The following DUS2 variants were observed in gnomAD, a reference collection of about 807,000 sequenced individuals.
The protein encoded by DUS2 is dihydrouridine synthase 2, also known as tRNA-dihydrouridine(20) synthase [NAD(P)+]-like.
In DUS2, 52 loss-of-function variants were observed where a neutral mutation model predicts 71.3. The ratio of observed to expected loss-of-function variants is 0.73; its 90% CI spans 0.58 to 0.92. The LOEUF (loss-of-function observed/expected upper bound fraction) is 0.92, where lower values mean the gene tolerates loss of function less well. DUS2 is among the 40% of genes least tolerant of loss of function. The pLI is 0.00. For missense variants in DUS2, 558 were observed against 622.6 expected (o/e 0.90, Z 1.10); for synonymous variants, 204 against 227.8 (o/e 0.90, Z 0.94).
chr16:68,068,946 G>T (rs1043699827), intron 10 of DUS2, among the ~76,000 whole-genome samples: 1 of 151,990 alleles, frequency 6.6e-6, no homozygotes, highest in Non-Finnish European at 1.5e-5. Flanking sequence ...CCGTAGTTGG[G>T]AACACTCGGA....
intron 3 of DUS2, among the ~76,000 whole-genome samples, chr16:68,044,555 A>G (rs773317425): frequency 1.3e-5 from 2 of 150,720 alleles, no homozygotes; most frequent in Admixed American, 6.6e-5. Flanking sequence ...TCCACCCCAC[A>G]TGGCTAATTT....
At position 68,070,138 on chromosome 16, in the gene DUS2, C is replaced by G. The variant is rs372818688; in HGVS notation, c.559C>G (p.Arg187Gly). 5 of 1,613,792 alleles carry G rather than the reference C, an allele frequency of 3.1e-6. No individual in the cohort carries two copies. The highest frequency in any genetic ancestry group is 4.2e-6 in the Non-Finnish European group (5 of 1,179,870). Reference protein sequence around the residue: ...IAAIAVHGRKREERPQHPVSC... With the variant: ...IAAIAVHGRKGEERPQHPVSC... ...CCCCATCTTTCTATCTCCAAGGAAG[C>G]GGGAGGAGCGACCTCAGCATCCTGT... The change falls in exon 11 of 17, where the codon CGG becomes GGG. Residue 187 changes from arginine (R) to glycine (G), a missense_variant. Coordinates refer to ENST00000565263, the MANE Select transcript of DUS2 (RefSeq NM_017803.5).
chr16:68,073,762 T>C (rs1318850722), intron 12 of DUS2, among the ~76,000 whole-genome samples: 1 of 152,044 alleles, frequency 6.6e-6, no homozygotes, highest in East Asian at 1.9e-4. Flanking sequence ...AATTTTCTTT[T>C]TTTTAATTTT....
chr16:68,039,157 G>T (rs944588802), intron 3 of DUS2, among the ~76,000 whole-genome samples: 8 of 152,098 alleles, frequency 5.3e-5, no homozygotes, highest in Admixed American at 5.2e-4. Context: ...GTGTGTTGGC[G>T]CATAGGAATT....
In DUS2 at chr16:68,076,745, T is replaced by C. The variant is rs779128935; in HGVS notation, c.1170+26T>C. 3.8e-6 allele frequency: 6 copies of C among 1,587,068 alleles called. No individual in the cohort carries two copies. The South Asian group carries it at 6.6e-5, about 18-fold the overall frequency. On this transcript the variant is annotated intron_variant, in intron 15 of 16. Transcript: ENST00000565263. Reference sequence around the variant, plus strand: ...GTGAGTTCCTGGCTGTGGCCTGCCCTGCAGCCAGTCACAGCACTCCCATGG... The same window carrying C: ...GTGAGTTCCTGGCTGTGGCCTGCCCCGCAGCCAGTCACAGCACTCCCATGG...
intron 6 of DUS2, among the ~76,000 whole-genome samples, chr16:68,055,268 A>G (rs528484760): frequency 6.6e-6 from 1 of 152,276 alleles, no homozygotes; most frequent in African/African-American, 2.4e-5. Flanking sequence ...CTGAATTAAC[A>G]TAGATAGGAA....
chr16:68,055,547 GT>G (rs1251992369), intron 6 of DUS2, among the ~76,000 whole-genome samples: 1 of 152,094 alleles, frequency 6.6e-6, no homozygotes, highest in African/African-American at 2.4e-5. Flanking sequence ...TTTGCTACTT[GT>G]TAACTGTGTG....
At chr16:68,048,294 C>T (rs1370038067) in intron 3 of DUS2, among the ~76,000 whole-genome samples, 1 of 152,162 alleles carries the variant, frequency 6.6e-6, no homozygotes, top group African/African-American at 2.4e-5. Context: ...TAGTCCCTAC[C>T]AAAGCTCAGT....
intron 2 of DUS2, among the ~76,000 whole-genome samples, chr16:68,035,274 A>T (rs1044827553): frequency 6.6e-6 from 1 of 152,130 alleles, no homozygotes; most frequent in Non-Finnish European, 1.5e-5. Context: ...AAAATATGAG[A>T]CAGTTCATGC....
intron 7 of DUS2, among the ~76,000 whole-genome samples, chr16:68,059,785 G>C (rs1308526169): frequency 1.3e-5 from 2 of 152,016 alleles, no homozygotes; most frequent in Non-Finnish European, 2.9e-5. Context: ...CACTCTTAAT[G>C]GATTCAGATT....
chr16:68,059,135 C>T (rs1415334099), intron 7 of DUS2, among the ~76,000 whole-genome samples: 1 of 152,100 alleles, frequency 6.6e-6, no homozygotes, highest in African/African-American at 2.4e-5. Flanking sequence ...ATTGCATGAA[C>T]CCCAGAGGCA....
Position 68,074,109 on chromosome 16 carries a change from C to G in DUS2, c.886C>G (p.Pro296Ala), listed in dbSNP as rs2034124975. 1 of 1,614,066 alleles carries G rather than the reference C, an allele frequency of 6.2e-7. No individual in the cohort carries two copies. The highest frequency in any genetic ancestry group is 1.1e-5 in the South Asian group (1 of 91,092). ...GATGCTACGAGAACAGCTGGAGTCG[C>G]CCCAGGGAAGGTTGCTCCATGCTGC... ...CQMLREQLES[P>A]QGRLLHAAQS... Residue 296 changes from proline to alanine, a missense_variant, in exon 13 of 17, where the codon CCC (proline) becomes GCC (alanine). Pro to Ala is a conservative substitution (Grantham distance 27, BLOSUM62 -1). Transcript: ENST00000565263.
intron 12 of DUS2, among the ~76,000 whole-genome samples, chr16:68,073,687 G>C (rs574831386): frequency 6.6e-6 from 1 of 152,236 alleles, no homozygotes; most frequent in East Asian, 1.9e-4. Context: ...GACCTCAGGT[G>C]ATCCGCCCGC....
At chr16:68,073,892 G>C (rs1351300524) in intron 12 of DUS2, 142 bp from the exon 13 acceptor site, 7 of 992,114 alleles carry the variant, frequency 7.1e-6, no homozygotes, top group Non-Finnish European at 1.0e-5. Flanking sequence ...CCTGGCCAGT[G>C]GTGGTTCTTC....
rs774127544 is a variant in DUS2 at position 68,038,102 on chromosome 16, A to T, written c.79A>T (p.Met27Leu). The T allele has an allele frequency of 6.8e-6, 11 of 1,613,746 alleles. No individual in the cohort carries two copies. The Admixed American group carries it at 8.3e-5, about 12-fold the overall frequency. The change falls in exon 3 of 17, where the codon ATG becomes TTG. Residue 27 changes from methionine to leucine, a missense_variant. Transcript: ENST00000565263. ...AATGGTTCGGGTAGGGACTCTTCCAATGAGGCTGCTGGCCCTGGATTATGG... is the reference window on the plus strand; with the variant it reads ...AATGGTTCGGGTAGGGACTCTTCCATTGAGGCTGCTGGCCCTGGATTATGG... ...APMVRVGTLP[M>L]RLLALDYGAD... is the part of the protein sequence containing the mutation.
intron 10 of DUS2, among the ~76,000 whole-genome samples, chr16:68,068,151 A>G (rs2034035750): frequency 6.6e-6 from 1 of 152,172 alleles, no homozygotes; most frequent in South Asian, 2.1e-4. Context: ...ATCTCAGGTC[A>G]GTAGACTTGG....
At chr16:68,048,102 T>G (rs2033730899) in intron 3 of DUS2, among the ~76,000 whole-genome samples, 1 of 152,174 alleles carries the variant, frequency 6.6e-6, no homozygotes, top group Non-Finnish European at 1.5e-5. Flanking sequence ...TGTTGTTTGT[T>G]TGCTTAGTGA....
In DUS2 at chr16:68,075,507, A is replaced by T. The variant is rs768663565; in HGVS notation, c.1082+3A>T. The T allele has an allele frequency of 6.2e-7, 1 of 1,610,294 alleles. No homozygotes were observed. The highest frequency in any genetic ancestry group is 8.5e-7 in the Non-Finnish European group (1 of 1,177,960). On this transcript the variant is annotated splice_donor_region_variant and intron_variant, in intron 14 of 16. Transcript: ENST00000565263. Reference sequence around the variant, plus strand: ...AAGATGGCTGTCAAGTTTGACCGGTAGGTCTCCAGCTTGGCCTCAGCTTGG... The same window carrying T: ...AAGATGGCTGTCAAGTTTGACCGGTTGGTCTCCAGCTTGGCCTCAGCTTGG...
intron 13 of DUS2, among the ~76,000 whole-genome samples, chr16:68,075,004 G>A (rs1403167134): frequency 6.6e-6 from 1 of 152,136 alleles, no homozygotes; most frequent in African/African-American, 2.4e-5. Flanking sequence ...TCCTCCCATG[G>A]GCCCATGTGC....
Sources: allele counts gnomAD v4.1 joint callset (sites outside exome capture counted in the v4.1 genomes callset), GRCh38; gene constraint gnomAD v4.1.1; transcripts MANE v1.5; gene names NCBI Gene and HGNC (gene_info 2026-07-23, HGNC 2026-07-21).